Variants in THSD4 observed in about 807,000 individuals in gnomAD.
THSD4 encodes thrombospondin type-1 domain-containing protein 4.
Under a neutral mutation model 119.0 loss-of-function variants are expected in THSD4, and 69 were observed. The ratio of observed to expected loss-of-function variants is 0.58; its 90% CI spans 0.48 to 0.71. The LOEUF (loss-of-function observed/expected upper bound fraction) is 0.71. Among genes scored for constraint, THSD4 ranks in the 30% least tolerant of loss-of-function variants. THSD4 has a pLI of 0.00. For missense variants in THSD4, 1,393 were observed against 1,391.1 expected, an observed-to-expected ratio of 1.00 and a Z score of -0.02; for synonymous variants, 524 against 540.4, an observed-to-expected ratio of 0.97 and a Z score of 0.42.
intron 6 of THSD4, among the ~76,000 whole-genome samples, chr15:71,410,353 A>T (rs1219918315): frequency 6.6e-6 from 1 of 152,152 alleles, no homozygotes; most frequent in Non-Finnish European, 1.5e-5. Context: ...CATCAACCTG[A>T]GAGGGGGCAG....
At chr15:71,647,712 A>G (rs1225705905) in intron 7 of THSD4, among the ~76,000 whole-genome samples, 1 of 152,138 alleles carries the variant, frequency 6.6e-6, no homozygotes, top group East Asian at 1.9e-4. Context: ...AATCGTTACT[A>G]TTTCAGTGGA....
chr15:71,312,822 C>G (rs1426516413), intron 6 of THSD4, among the ~76,000 whole-genome samples: 1 of 152,156 alleles, frequency 6.6e-6, no homozygotes, highest in Admixed American at 6.5e-5. Context: ...CCAGATCTTC[C>G]TATGGCTTCC....
intron 7 of THSD4, among the ~76,000 whole-genome samples, chr15:71,652,888 C>T (rs17797257): frequency 0.37 from 55,694 of 152,034 alleles, 11,198 homozygotes; most frequent in East Asian, 0.9. Flanking sequence ...TGAATGGCAT[C>T]GTCAATTTGA....
At chr15:71,658,094 C>T in intron 7 of THSD4, among the ~76,000 whole-genome samples, 1 of 152,178 alleles carries the variant, frequency 6.6e-6, no homozygotes, top group East Asian at 1.9e-4. Context: ...ATTGTCTCCA[C>T]TCTAGGTAAG....
At chr15:71,500,818 T>G (rs920340970) in intron 7 of THSD4, among the ~76,000 whole-genome samples, 10 of 152,226 alleles carry the variant, frequency 6.6e-5, no homozygotes, top group African/African-American at 2.2e-4. Context: ...GGTTCTCTCT[T>G]CTGTTGCATT....
chr15:71,476,138 G>A (rs1168376257), intron 7 of THSD4, among the ~76,000 whole-genome samples: 2 of 152,152 alleles, frequency 1.3e-5, no homozygotes, highest in Non-Finnish European at 1.5e-5. Context: ...ATTTAGCAAA[G>A]GGCCTGATCC....
At chr15:71,401,105 T>C (rs528281902) in intron 6 of THSD4, among the ~76,000 whole-genome samples, 1 of 152,274 alleles carries the variant, frequency 6.6e-6, no homozygotes, top group East Asian at 1.9e-4. Flanking sequence ...CAAAGTCTCT[T>C]CTTGGTGACT....
intron 14 of THSD4, among the ~76,000 whole-genome samples, chr15:71,752,059 G>T (rs965804106): frequency 6.6e-6 from 1 of 152,126 alleles, no homozygotes; most frequent in Admixed American, 6.5e-5. Context: ...AACTGAGAGC[G>T]CTTTTACAGT....
chr15:71,337,521 G>A (rs897322214), intron 6 of THSD4, among the ~76,000 whole-genome samples: 1 of 152,222 alleles, frequency 6.6e-6, no homozygotes, highest in African/African-American at 2.4e-5. Context: ...GTCCCAAATG[G>A]AAACTGGATA....
chr15:71,161,726 A>G (rs1395799451), intron 3 of THSD4, among the ~76,000 whole-genome samples: 1 of 151,640 alleles, frequency 6.6e-6, no homozygotes, highest in East Asian at 1.9e-4. Flanking sequence ...AAATTAGAGC[A>G]TTTAATCCAT....
chr15:71,575,654 G>A (rs1001744269), intron 7 of THSD4, among the ~76,000 whole-genome samples: 5 of 152,152 alleles, frequency 3.3e-5, no homozygotes, highest in African/African-American at 1.2e-4. Context: ...GTAGTTACGT[G>A]TATTACCACT....
chr15:71,750,775 A>C (rs2053432975), intron 14 of THSD4, among the ~76,000 whole-genome samples: 1 of 152,222 alleles, frequency 6.6e-6, no homozygotes, highest in Non-Finnish European at 1.5e-5. Flanking sequence ...CCACTGACTC[A>C]AGCTTCTGCC....
At chr15:71,200,545 G>T (rs2043794936) in intron 3 of THSD4, among the ~76,000 whole-genome samples, 2 of 152,148 alleles carry the variant, frequency 1.3e-5, no homozygotes, top group South Asian at 4.1e-4. Context: ...CACTAGTTAT[G>T]TTCCTGAGAG....
intron 6 of THSD4, among the ~76,000 whole-genome samples, chr15:71,307,112 C>T (rs958684930): frequency 2.0e-5 from 3 of 152,128 alleles, no homozygotes; most frequent in East Asian, 1.9e-4. Flanking sequence ...GGGGATTCTT[C>T]GGAGCTCTGG....
chr15:71,669,329 T>C lies in THSD4; in HGVS notation c.1357+8595T>C, dbSNP rs542535349. Among the ~76,000 whole-genome samples the C allele has an allele frequency of 4.3e-4, 66 of 152,344 alleles. No homozygotes were observed. In the South Asian group the frequency reaches 0.013, roughly 30 times the overall value. ...TCATATACATAATCAGTAATAACCA[T>C]TTTTGGTGATGTCTATCTAAAATAT... is the stretch of plus-strand genomic sequence containing the variant. On this transcript the variant is annotated intron_variant, in intron 8 of 17. Coordinates refer to ENST00000261862, the MANE Select transcript of THSD4 (RefSeq NM_024817.3).
chr15:71,747,048 C>A lies in THSD4; in HGVS notation c.2241+6C>A. 6.3e-7 allele frequency: 1 copy of A among 1,594,356 alleles called. No individual in the cohort carries two copies. The highest frequency in any genetic ancestry group is 8.5e-7 in the Non-Finnish European group (1 of 1,173,528). On this transcript the variant is annotated splice_donor_region_variant and intron_variant, in intron 13 of 17. Transcript: ENST00000261862. ...TCCGGACCGACTGGACCTCGGTACG[C>A]AGGCAGGGCAGCCCGCTCTGCAGCT...
rs141879697 is a variant in THSD4 at position 71,714,906 on chromosome 15, C to A, written c.1358-13643C>A. 1.8e-3 allele frequency among the ~76,000 whole-genome samples: 276 copies of A among 152,256 alleles called. 1 individual carries two copies. The highest frequency in any genetic ancestry group is 5.3e-3 in the African/African-American group (221 of 41,544). On this transcript the variant is annotated intron_variant, in intron 8 of 17. Transcript: ENST00000261862. ...TAAATAGATGAAAACTAAATAAATA[C>A]AAATAAAAATAATGTCTTAAATTGT... is the stretch of plus-strand genomic sequence containing the variant.
At chr15:71,662,477 A>C (rs1488300495) in intron 8 of THSD4, among the ~76,000 whole-genome samples, 2 of 152,216 alleles carry the variant, frequency 1.3e-5, no homozygotes, top group Non-Finnish European at 2.9e-5. Flanking sequence ...ACATCTCCAT[A>C]AACATCCTGC....
chr15:71,723,776 G>A (rs563497903), intron 8 of THSD4, among the ~76,000 whole-genome samples: 146 of 152,192 alleles, frequency 9.6e-4, no homozygotes, highest in African/African-American at 3.4e-3. Flanking sequence ...GACATCTAAA[G>A]AATGAATAGG....
Sources: allele counts gnomAD v4.1 joint callset (sites outside exome capture counted in the v4.1 genomes callset), GRCh38; gene constraint gnomAD v4.1.1; transcripts MANE v1.5; gene names NCBI Gene and HGNC (gene_info 2026-07-23, HGNC 2026-07-21).